The following NRXN1 variants were observed in gnomAD, a reference collection of about 807,000 sequenced individuals.
NRXN1 encodes the protein neurexin-1.
A neutral mutation model predicts 150.9 loss-of-function variants in NRXN1; 39 were observed. The ratio of observed to expected loss-of-function variants is 0.26; its 90% CI spans 0.20 to 0.34. The LOEUF is 0.34. Ranked by LOEUF, NRXN1 falls within the 10% of genes least tolerant of loss-of-function variation. NRXN1 has a pLI of 1.00. For synonymous variants in NRXN1, 924 were observed against 757.0 expected (o/e 1.22, Z -3.62); for missense variants, 1,815 against 1,949.9 (o/e 0.93, Z 1.30).
chr2:50,476,993 C>A (rs1232130660), intron 15 of NRXN1, among the ~76,000 whole-genome samples: 1 of 151,936 alleles, frequency 6.6e-6, no homozygotes, highest in African/African-American at 2.4e-5. Context: ...ACTGTGGTTG[C>A]AAAGTGGGGG....
At chr2:50,974,112 C>G (rs1240848516) in intron 2 of NRXN1, among the ~76,000 whole-genome samples, 1 of 152,114 alleles carries the variant, frequency 6.6e-6, no homozygotes, top group Non-Finnish European at 1.5e-5. Context: ...GAGGGTGACT[C>G]GTTCAAAGCT....
Position 50,506,458 on chromosome 2 carries a change from T to C in NRXN1, c.2497+37A>G, listed in dbSNP as rs202221361. On this transcript the variant is annotated intron_variant, in intron 13 of 22. Coordinates refer to ENST00000401669, the MANE Select transcript of NRXN1 (RefSeq NM_001330078.2). ...CTGCAAGAAATGAGAGTCAAAAGCG[T>C]TAGCATAGGAAAAGACAATGGGACA... is the stretch of plus-strand genomic sequence containing the variant. 7.6e-4 allele frequency: 1,206 copies of C among 1,582,758 alleles called. 2 individuals carry two copies. Among genetic ancestry groups the C allele is most frequent in the Middle Eastern group, 3.2e-3 (19 of 5,904 alleles).
At chr2:50,885,735 T>G (rs1303443967) in intron 5 of NRXN1, among the ~76,000 whole-genome samples, 3 of 151,270 alleles carry the variant, frequency 2.0e-5, no homozygotes, top group East Asian at 3.9e-4. Flanking sequence ...ATGATGATAT[T>G]AGAAAATAAT....
At chr2:50,350,741 C>T (rs2078350490) in intron 17 of NRXN1, among the ~76,000 whole-genome samples, 2 of 152,140 alleles carry the variant, frequency 1.3e-5, no homozygotes, top group Middle Eastern at 3.2e-3. Flanking sequence ...TCCCTCACTC[C>T]CCTGCCTGTC....
chr2:50,206,153 C>T (rs1189896156), intron 18 of NRXN1, among the ~76,000 whole-genome samples: 3 of 151,822 alleles, frequency 2.0e-5, no homozygotes, highest in Non-Finnish European at 2.9e-5. Context: ...GCAAAATTTT[C>T]AACTGCAAAA....
intron 8 of NRXN1, among the ~76,000 whole-genome samples, chr2:50,566,815 C>T (rs1052888137): frequency 1.1e-4 from 17 of 152,122 alleles, no homozygotes; most frequent in Non-Finnish European, 4.4e-5. Flanking sequence ...ATGCTCCCCA[C>T]CCCATGGGAT....
intron 5 of NRXN1, among the ~76,000 whole-genome samples, chr2:50,776,334 A>G (rs1703631032): frequency 6.6e-6 from 1 of 152,082 alleles, no homozygotes; most frequent in Non-Finnish European, 1.5e-5. Flanking sequence ...GTTATCATTT[A>G]TATAGAAAAT....
intron 18 of NRXN1, among the ~76,000 whole-genome samples, chr2:50,222,835 T>C (rs1204850704): frequency 2.0e-5 from 3 of 152,060 alleles, no homozygotes; most frequent in South Asian, 2.1e-4. Context: ...CTTGTACCTA[T>C]ACTATACACA....
chr2:50,860,641 C>G (rs536866936), intron 5 of NRXN1, among the ~76,000 whole-genome samples: 128 of 152,070 alleles, frequency 8.4e-4, no homozygotes, highest in Admixed American at 4.1e-3. Flanking sequence ...AGAGGTAGTC[C>G]TAGAAAGCCA....
At chr2:50,405,015 T>G (rs981996296) in intron 17 of NRXN1, among the ~76,000 whole-genome samples, 1 of 152,050 alleles carries the variant, frequency 6.6e-6, no homozygotes, top group Non-Finnish European at 1.5e-5. Flanking sequence ...TTGACAAACG[T>G]TCTGGTCTAG....
In NRXN1 at chr2:50,086,497, A is replaced by C. The variant is rs561602170; in HGVS notation, c.3718+4826T>G. 6.6e-5 allele frequency among the ~76,000 whole-genome samples: 10 copies of C among 152,276 alleles called. No individual in the cohort carries two copies. In the South Asian group the frequency reaches 2.1e-3, roughly 32 times the overall value. ...TAGAGCATTTCTCTCTTTCTCTCAGATCCTCTTATCCCTAAAGGATCTCTT... is the reference window on the plus strand; with the variant it reads ...TAGAGCATTTCTCTCTTTCTCTCAGCTCCTCTTATCCCTAAAGGATCTCTT... On this transcript the variant is annotated intron_variant, in intron 19 of 22. Coordinates refer to ENST00000401669, the MANE Select transcript of NRXN1 (RefSeq NM_001330078.2).
chr2:50,580,960 A>C (rs560843558), intron 8 of NRXN1, among the ~76,000 whole-genome samples: 4 of 152,306 alleles, frequency 2.6e-5, no homozygotes, highest in Admixed American at 2.6e-4. Flanking sequence ...CCTTAATCGA[A>C]GGTAATATAA....
intron 17 of NRXN1, among the ~76,000 whole-genome samples, chr2:50,456,141 C>G (rs1198181448): frequency 6.6e-6 from 1 of 152,146 alleles, no homozygotes. Flanking sequence ...TTTCCACTGT[C>G]TCCTTCAAAT....
intron 5 of NRXN1, among the ~76,000 whole-genome samples, chr2:50,800,123 T>C (rs572149573): frequency 6.6e-6 from 1 of 152,328 alleles, no homozygotes; most frequent in East Asian, 1.9e-4. Flanking sequence ...AATAACGCAC[T>C]GTTTTAATCT....
intron 17 of NRXN1, among the ~76,000 whole-genome samples, chr2:50,431,832 CT>C (rs139576204): frequency 6.7e-5 from 10 of 149,602 alleles, no homozygotes; most frequent in East Asian, 5.9e-4. Context: ...TGGTTCTCAA[CT>C]TTTTTTTTTC....
chr2:49,947,980 A>G (rs573977810), intron 21 of NRXN1, among the ~76,000 whole-genome samples: 8 of 152,074 alleles, frequency 5.3e-5, no homozygotes, highest in Non-Finnish European at 1.0e-4. Flanking sequence ...ATAATTATAG[A>G]TATTAAACCG....
rs79339995 is a variant in NRXN1, at chr2:50,066,885, A to C, written c.3719-11841T>G. 6.7e-3 allele frequency among the ~76,000 whole-genome samples: 1,026 copies of C among 152,202 alleles called. 7 individuals carry two copies. Among genetic ancestry groups the C allele is most frequent in the Non-Finnish European group, 0.012 (812 of 67,992 alleles). ...GTATGCACATTTCAACTTTGTTCCC[A>C]CTGCTTCCTTAAACACATACACACA... On this transcript the variant is annotated intron_variant, in intron 19 of 22. Coordinates refer to ENST00000401669, the MANE Select transcript of NRXN1 (RefSeq NM_001330078.2).
At chr2:49,933,742 G>A (rs1670541993) in intron 22 of NRXN1, among the ~76,000 whole-genome samples, 1 of 152,186 alleles carries the variant, frequency 6.6e-6, no homozygotes, top group South Asian at 2.1e-4. Flanking sequence ...TGTAAAAACA[G>A]TGATTATCTG....
intron 5 of NRXN1, among the ~76,000 whole-genome samples, chr2:50,838,014 C>A (rs971026194): frequency 6.6e-6 from 1 of 152,038 alleles, no homozygotes; most frequent in Non-Finnish European, 1.5e-5. Flanking sequence ...CTGAGTGAAA[C>A]ACATCTAAAG....
Sources: allele counts gnomAD v4.1 joint callset (sites outside exome capture counted in the v4.1 genomes callset), GRCh38; gene constraint gnomAD v4.1.1; transcripts MANE v1.5; gene names NCBI Gene and HGNC (gene_info 2026-07-23, HGNC 2026-07-21).